The following ACCSL variants were observed in gnomAD, a reference collection of about 807,000 sequenced individuals.
ACCSL encodes the protein 1-aminocyclopropane-1-carboxylate synthase homolog (inactive) like, also known as probable inactive 1-aminocyclopropane-1-carboxylate synthase-like protein 2.
Under a neutral mutation model 61.7 loss-of-function variants are expected in ACCSL, and 55 were observed. That is an observed-to-expected ratio of 0.89 (90% CI 0.72 to 1.12). The LOEUF is 1.12. ACCSL is among the 50% of genes most tolerant of loss of function. ACCSL has a pLI of 0.00. For missense variants in ACCSL, 632 were observed against 698.0 expected, an observed-to-expected ratio of 0.91 and a Z score of 1.07; for synonymous variants, 258 against 264.3, an observed-to-expected ratio of 0.98 and a Z score of 0.23.
At chr11:43,923,165 T>G in the ACCSL span, among the ~76,000 whole-genome samples, 1 of 152,200 alleles carries the variant, frequency 6.6e-6, no homozygotes, top group Non-Finnish European at 1.5e-5. Flanking sequence ...ATTGCAATGC[T>G]GAAAGAGTTA....
rs370058672 is a variant in ACCSL at position 44,056,087 on chromosome 11, T to G, written c.1185+2T>G. On this transcript the variant is annotated splice_donor_variant, in intron 10 of 13. Transcript: ENST00000378832. LOFTEE classifies it high-confidence loss of function. ...CATGTGATCTGGGGTACCAGTAAGGTGAGCCATTGCTTTCTCTCCTTGGCT... is the reference window on the plus strand; with the variant it reads ...CATGTGATCTGGGGTACCAGTAAGGGGAGCCATTGCTTTCTCTCCTTGGCT... 2.3e-5 allele frequency: 37 copies of G among 1,614,044 alleles called. No homozygotes were observed. The highest frequency in any genetic ancestry group is 3.1e-5 in the Non-Finnish European group (36 of 1,179,998).
the ACCSL span, among the ~76,000 whole-genome samples, chr11:44,015,358 T>A: frequency 6.6e-6 from 1 of 152,216 alleles, no homozygotes; most frequent in South Asian, 2.1e-4. Flanking sequence ...TACACTCAGA[T>A]TGGCCTGGCT....
chr11:43,997,607 C>T, the ACCSL span, among the ~76,000 whole-genome samples: 3 of 152,068 alleles, frequency 2.0e-5, no homozygotes, highest in Non-Finnish European at 4.4e-5. Context: ...AGGGATCAAA[C>T]GTAGATGTCT....
At chr11:44,000,611 G>T in the ACCSL span, among the ~76,000 whole-genome samples, 1 of 128,662 alleles carries the variant, frequency 7.8e-6, no homozygotes, top group Admixed American at 8.1e-5. Flanking sequence ...TAGTGAATGC[G>T]CCCAGCCCCC....
At chr11:43,988,987 G>A in the ACCSL span, among the ~76,000 whole-genome samples, 137 of 152,144 alleles carry the variant, frequency 9.0e-4, no homozygotes, top group East Asian at 6.0e-3. Flanking sequence ...AGGCAGGTGT[G>A]ACAGTGCGAA....
intron 13 of ACCSL, 55 bp downstream of exon 13, chr11:44,058,754 C>T: frequency 6.4e-7 from 1 of 1,555,678 alleles, no homozygotes; most frequent in Non-Finnish European, 8.7e-7. Flanking sequence ...TTTAATATGT[C>T]AATCTTCTCC....
chr11:44,050,005 A>C, intron 1 of ACCSL, 57 bp from the exon 2 acceptor site: 1 of 1,610,566 alleles, frequency 6.2e-7, no homozygotes, highest in Non-Finnish European at 8.5e-7. Flanking sequence ...GTTTCAAGGG[A>C]TCTATGTAGG....
At chr11:43,985,137 A>T in the ACCSL span, among the ~76,000 whole-genome samples, 1 of 152,110 alleles carries the variant, frequency 6.6e-6, no homozygotes, top group East Asian at 1.9e-4. Flanking sequence ...CAGTACCTGG[A>T]GTGCTTTCTC....
chr11:44,058,732 A>G, intron 13 of ACCSL, 33 bp downstream of exon 13: 1 of 1,582,858 alleles, frequency 6.3e-7, no homozygotes, highest in Non-Finnish European at 8.6e-7. Flanking sequence ...TCCTTTAAAG[A>G]CGCCCCATCA....
chr11:44,048,502 T>C lies in ACCSL; in HGVS notation c.466T>C (p.Tyr156His), dbSNP rs762895022. The C allele has an allele frequency of 9.2e-6, 14 of 1,524,742 alleles. No individual in the cohort carries two copies. The highest frequency in any genetic ancestry group is 1.1e-5 in the Non-Finnish European group (13 of 1,130,516). 94.5% of individuals were successfully genotyped at this position (1,524,742 alleles called of 1,614,324 possible). The change falls in exon 1 of 14, where the codon TAC (tyrosine) becomes CAC (histidine). Residue 156 changes from tyrosine (Y) to histidine (H), a missense_variant. Tyr to His is a moderately conservative substitution (Grantham distance 83). Coordinates refer to ENST00000378832, the MANE Select transcript of ACCSL (RefSeq NM_001031854.2). ...GTCGAGCTTCCAGGACTACAATGCC[T>C]ACCAAAAAGATAAATATCATAAGGA... ...YQSSFQDYNA[Y>H]QKDKYHKDKN...
In ACCSL at chr11:44,058,431, G is replaced by C; in HGVS notation, c.1442G>C (p.Gly481Ala). 1.2e-6 allele frequency: 2 copies of C among 1,614,166 alleles called. No individual in the cohort carries two copies. Among genetic ancestry groups the C allele is most frequent in the Non-Finnish European group, 1.7e-6 (2 of 1,180,028 alleles). ...LEIPFHNRSS[G>A]LYVWINLKKY... Reference sequence around the variant, plus strand: ...ATCCCTTTTCACAACCGCAGCTCTGGCCTCTATGTCTGGATCAACTTGAAA... The same window carrying C: ...ATCCCTTTTCACAACCGCAGCTCTGCCCTCTATGTCTGGATCAACTTGAAA... The change falls in exon 12 of 14, where the codon GGC becomes GCC. Residue 481 changes from glycine to alanine, a missense_variant. Coordinates refer to ENST00000378832, the MANE Select transcript of ACCSL (RefSeq NM_001031854.2).
the ACCSL span, among the ~76,000 whole-genome samples, chr11:43,994,341 T>C: frequency 2.0e-5 from 3 of 152,198 alleles, no homozygotes; most frequent in African/African-American, 7.2e-5. Flanking sequence ...GCAGTCTGCA[T>C]GTGCAGCTGT....
the ACCSL span, among the ~76,000 whole-genome samples, chr11:44,026,571 G>T: frequency 2.0e-5 from 3 of 152,072 alleles, no homozygotes; most frequent in Non-Finnish European, 2.9e-5. Context: ...TTGTTCTTAT[G>T]TATAGGCCAT....
the ACCSL span, among the ~76,000 whole-genome samples, chr11:43,964,630 C>T: frequency 6.6e-6 from 1 of 152,010 alleles, no homozygotes; most frequent in Non-Finnish European, 1.5e-5. Flanking sequence ...AACCTGATAC[C>T]AAAGCCAAAG....
chr11:43,982,222 C>A, the ACCSL span, among the ~76,000 whole-genome samples: 1 of 134,660 alleles, frequency 7.4e-6, no homozygotes, highest in Non-Finnish European at 1.6e-5. Flanking sequence ...CACCCCAAGG[C>A]CCTCTTTTTT....
the ACCSL span, among the ~76,000 whole-genome samples, chr11:44,014,387 C>T: frequency 6.6e-6 from 1 of 152,074 alleles, no homozygotes; most frequent in African/African-American, 2.4e-5. Context: ...AGCCAGAGAC[C>T]TCAGTCCCTG....
intron 5 of ACCSL, 54 bp downstream of exon 5, chr11:44,051,773 G>A: frequency 6.3e-7 from 1 of 1,598,446 alleles, no homozygotes; most frequent in East Asian, 2.2e-5. Flanking sequence ...AACACAGGTA[G>A]GAACACACGG....
In ACCSL at chr11:44,048,451, G is replaced by A. The variant is rs1565157795; in HGVS notation, c.415G>A (p.Gly139Arg). The A allele has an allele frequency of 1.9e-6, 3 of 1,613,232 alleles. No homozygotes were observed. The highest frequency in any genetic ancestry group is 2.5e-6 in the Non-Finnish European group (3 of 1,179,968). ...TGTCAACCGCGACCTATCCATCCGTGGGATTGACATCTCTGTCTTTTATCA... is the reference window on the plus strand; with the variant it reads ...TGTCAACCGCGACCTATCCATCCGTAGGATTGACATCTCTGTCTTTTATCA... ...AFVNRDLSIR[G>R]IDISVFYQSS... is the part of the protein sequence containing the mutation. The change falls in exon 1 of 14, where the codon GGG (glycine) becomes AGG (arginine). Residue 139 changes from glycine (G) to arginine (R), a missense_variant. Gly to Arg is a moderately radical substitution (Grantham distance 125, BLOSUM62 -2). Coordinates refer to ENST00000378832, the MANE Select transcript of ACCSL (RefSeq NM_001031854.2).
At chr11:43,988,994 C>A in the ACCSL span, among the ~76,000 whole-genome samples, 1 of 151,976 alleles carries the variant, frequency 6.6e-6, no homozygotes, top group South Asian at 2.1e-4. Context: ...TGTGACAGTG[C>A]GAAAGATTGG....
Sources: allele counts gnomAD v4.1 joint callset (sites outside exome capture counted in the v4.1 genomes callset), GRCh38; gene constraint gnomAD v4.1.1; transcripts MANE v1.5; gene names NCBI Gene and HGNC (gene_info 2026-07-23, HGNC 2026-07-21).